The following OAS3 variants were observed in gnomAD, a reference collection of about 807,000 sequenced individuals.
The protein encoded by OAS3 is 2'-5'-oligoadenylate synthase 3.
In OAS3, 107 loss-of-function variants were observed where a neutral mutation model predicts 113.0. The ratio of observed to expected loss-of-function variants is 0.95; its 90% CI spans 0.81 to 1.11. The LOEUF is 1.11. Among genes scored for constraint, OAS3 ranks in the 50% most tolerant of loss-of-function variants. OAS3 has a pLI of 0.00. For synonymous variants in OAS3, 552 were observed against 573.6 expected, an observed-to-expected ratio of 0.96 and a Z score of 0.54; for missense variants, 1,258 against 1,389.1, an observed-to-expected ratio of 0.91 and a Z score of 1.50.
chr12:112,968,708 G>A (rs1393960903), intron 14 of OAS3, among the ~76,000 whole-genome samples: 1 of 151,660 alleles, frequency 6.6e-6, no homozygotes, highest in Non-Finnish European at 1.5e-5. Context: ...TGAGACAGGG[G>A]TTTCACCATG....
At chr12:112,941,952 C>T (rs955003610) in intron 2 of OAS3, 100 bp downstream of exon 2, 5 of 1,443,230 alleles carry the variant, frequency 3.5e-6, no homozygotes, top group Admixed American at 3.4e-5. Flanking sequence ...GCTGTTTGAC[C>T]TGGGCCAGCC....
chr12:112,965,275 T>G (rs1180332858), intron 11 of OAS3, among the ~76,000 whole-genome samples: 1 of 152,088 alleles, frequency 6.6e-6, no homozygotes, highest in Non-Finnish European at 1.5e-5. Context: ...TTGAGGAGAG[T>G]GGCTTGGATC....
At chr12:112,967,361 G>A in intron 12 of OAS3, 57 bp from the exon 13 acceptor site, 1 of 1,511,398 alleles carries the variant, frequency 6.6e-7, no homozygotes, top group Non-Finnish European at 9.0e-7. Flanking sequence ...TTTCTAAGTT[G>A]GCCCCACTGG....
chr12:112,953,261 G>A (rs896564352), intron 7 of OAS3, among the ~76,000 whole-genome samples: 14 of 152,018 alleles, frequency 9.2e-5, no homozygotes, highest in African/African-American at 2.9e-4. Flanking sequence ...TCCTGTGTTC[G>A]TTTGCTCAGA....
rs997110024 is a variant in OAS3 at position 112,966,784 on chromosome 12, G to A, written c.2690-634G>A. On this transcript the variant is annotated intron_variant, in intron 12 of 15. Transcript: ENST00000228928. ...AGCGTCCTGAGAAACTGGGACTACA[G>A]GTGCACACCACCACACCTGGCTAAT... Among the ~76,000 whole-genome samples the A allele has an allele frequency of 6.6e-5, 10 of 152,254 alleles. No homozygotes were observed. In the South Asian group the frequency reaches 1.5e-3, roughly 22 times the overall value.
Position 112,964,401 on chromosome 12 carries a change from T to C in OAS3, c.2396T>C (p.Val799Ala), listed in dbSNP as rs2043916185. The change falls in exon 11 of 16, where the codon GTG becomes GCG. Residue 799 changes from valine to alanine, a missense_variant. Transcript: ENST00000228928. ...AATTCTCCCATCAAAGTGATCAAGG[T>C]GGTCAAGGTGAGTCCTCAGAGAGCT... is the stretch of plus-strand genomic sequence containing the variant. The part of the protein sequence containing the change: ...FRNSPIKVIK[V>A]VKGGSSAKGT... The C allele has an allele frequency of 6.2e-7, 1 of 1,611,196 alleles. No individual in the cohort carries two copies. Among genetic ancestry groups the C allele is most frequent in the African/African-American group, 1.3e-5 (1 of 74,986 alleles).
intron 7 of OAS3, among the ~76,000 whole-genome samples, chr12:112,958,630 G>A (rs1349433507): frequency 6.6e-6 from 1 of 152,250 alleles, no homozygotes; most frequent in Admixed American, 6.5e-5. Context: ...TGTTTGCCTG[G>A]ATATCACCAG....
At chr12:112,960,853 C>G (rs879730736) in intron 7 of OAS3, among the ~76,000 whole-genome samples, 1 of 152,118 alleles carries the variant, frequency 6.6e-6, no homozygotes, top group Non-Finnish European at 1.5e-5. Context: ...TGTGCAGTTA[C>G]TGGATGGATT....
intron 7 of OAS3, among the ~76,000 whole-genome samples, chr12:112,960,592 A>G (rs996835423): frequency 2.4e-4 from 37 of 152,122 alleles, no homozygotes; most frequent in African/African-American, 8.5e-4. Context: ...AGCACTTCAC[A>G]TGTAGATTTC....
chr12:112,941,319 G>A (rs566316378), intron 1 of OAS3, among the ~76,000 whole-genome samples: 2 of 152,292 alleles, frequency 1.3e-5, no homozygotes, highest in East Asian at 1.9e-4. Flanking sequence ...TGAGCTATGT[G>A]TTCCAGCCTG....
Position 112,950,771 on chromosome 12 carries a change from G to A in OAS3, c.1453G>A (p.Asp485Asn). 3 of 1,614,022 alleles carry A rather than the reference G, an allele frequency of 1.9e-6. No individual in the cohort carries two copies. Among genetic ancestry groups the A allele is most frequent in the Non-Finnish European group, 2.5e-6 (3 of 1,179,894 alleles). The stretch of plus-strand genomic sequence containing the variant: ...CATCATCTTCCTCAACTGCTTCACG[G>A]ACTACAAGGACCAGGGGCCCCGCCG... ...ELIIFLNCFT[D>N]YKDQGPRRAE... Residue 485 changes from aspartate (D) to asparagine (N), a missense_variant, in exon 7 of 16, where the codon GAC becomes AAC. Transcript: ENST00000228928.
Position 112,963,086 on chromosome 12 carries a change from G to T in OAS3, c.2084+184G>T, listed in dbSNP as rs567676672. Among the ~76,000 whole-genome samples, 134 of 152,284 alleles carry T rather than the reference G, an allele frequency of 8.8e-4. No individual in the cohort carries two copies. Among genetic ancestry groups the T allele is most frequent in the Non-Finnish European group, 1.5e-3 (99 of 68,022 alleles). On this transcript the variant is annotated intron_variant, in intron 9 of 15. Transcript: ENST00000228928. The surrounding 1 kb of genome is among the most constrained non-coding windows in gnomAD (Gnocchi z 4.6). ...ATAAGGAGTCCCAAAAGAAACCAGG[G>T]CCAGTTTTATTAGCATGATAAAATA... is the stretch of plus-strand genomic sequence containing the variant.
At position 112,964,293 on chromosome 12, in the gene OAS3, T is replaced by C. The variant is rs561838572; in HGVS notation, c.2288T>C (p.Leu763Pro). 4 of 1,605,958 alleles carry C rather than the reference T, an allele frequency of 2.5e-6. No homozygotes were observed. The African/African-American group carries it at 4.0e-5, about 16-fold the overall frequency. ...CTTGACAAGTTCATCAGTGAATTTC[T>C]CCAGCCCAACCGCCAGTTCCTGGCC... Reference protein sequence around the residue: ...GDLDKFISEFLQPNRQFLAQV... With the variant: ...GDLDKFISEFPQPNRQFLAQV... Residue 763 changes from leucine (L) to proline (P), a missense_variant, in exon 11 of 16, where the codon CTC (leucine) becomes CCC (proline). By Grantham distance (98) the Leu-to-Pro change is moderately conservative. Coordinates refer to ENST00000228928, the MANE Select transcript of OAS3 (RefSeq NM_006187.4).
At position 112,962,806 on chromosome 12, in the gene OAS3, A is replaced by C. The variant is rs1031479368; in HGVS notation, c.1988A>C (p.Gln663Pro). Residue 663 changes from glutamine (Q) to proline (P), a missense_variant, in exon 9 of 16, where the codon CAA (glutamine) becomes CCA (proline). Gln to Pro is a moderately conservative substitution (Grantham distance 76, BLOSUM62 -1). Coordinates refer to ENST00000228928, the MANE Select transcript of OAS3 (RefSeq NM_006187.4). ...TTCCGGACGGTGCTGGGGCTCGTGC[A>C]ACAGCATCAGCAGCTCTGTGTCTAC... The part of the protein sequence containing the change: ...QGFRTVLGLV[Q>P]QHQQLCVYWT... 2 of 1,614,074 alleles carry C rather than the reference A, an allele frequency of 1.2e-6. No homozygotes were observed. The highest frequency in any genetic ancestry group is 1.7e-6 in the Non-Finnish European group (2 of 1,179,902).
intron 3 of OAS3, among the ~76,000 whole-genome samples, chr12:112,945,632 C>T (rs2043721569): frequency 6.6e-6 from 1 of 152,182 alleles, no homozygotes; most frequent in South Asian, 2.1e-4. Flanking sequence ...ATAAGCAGGT[C>T]TCTCAAGGAA....
chr12:112,955,944 C>T (rs548240890), intron 7 of OAS3, among the ~76,000 whole-genome samples: 4 of 152,234 alleles, frequency 2.6e-5, no homozygotes, highest in South Asian at 2.1e-4. Context: ...TGGTAGAATT[C>T]GGCTGTGAAT....
In OAS3 at chr12:112,954,829, TTAAAG is replaced by T. The variant is rs1468400509; in HGVS notation, c.1657+3857_1657+3861del. On this transcript the variant is annotated intron_variant, in intron 7 of 15. Coordinates refer to ENST00000228928, the MANE Select transcript of OAS3 (RefSeq NM_006187.4). This position sits in a 1 kb window ranked among gnomAD's most constrained non-coding sequence, Gnocchi z 4.0. ...GCTCTTTTTTGGTTTCATATGAACT[TTAAAG>T]TAGTTTTTTCCAATTCTGTGAAGAA... Among the ~76,000 whole-genome samples the T allele has an allele frequency of 1.3e-5, 2 of 152,334 alleles. No homozygotes were observed. Among genetic ancestry groups the T allele is most frequent in the African/African-American group, 2.4e-5 (1 of 41,588 alleles).
intron 7 of OAS3, among the ~76,000 whole-genome samples, chr12:112,956,100 C>T (rs1269828356): frequency 6.6e-6 from 1 of 152,102 alleles, no homozygotes; most frequent in Non-Finnish European, 1.5e-5. Context: ...TCCATTTTAT[C>T]TAGATTTTCT....
At chr12:112,961,297 C>A in intron 8 of OAS3, 51 bp downstream of exon 8, 2 of 1,554,746 alleles carry the variant, frequency 1.3e-6, no homozygotes, top group Middle Eastern at 1.8e-4. Flanking sequence ...ATGGCAACCA[C>A]CCCAGCCAAT....
Sources: gnomAD v4.1 joint callset for allele counts (sites outside exome capture counted in the v4.1 genomes callset) on GRCh38, gnomAD v4.1.1 for gene constraint, Gnocchi (gnomAD v3.1) non-coding constraint, MANE v1.5 for transcripts, NCBI Gene and HGNC (gene_info 2026-07-23, HGNC 2026-07-21) for gene names.